FSD2: variants seen among roughly 807,000 people sequenced by gnomAD.
The protein encoded by FSD2 is fibronectin type III and SPRY domain-containing protein 2.
In FSD2, 71 loss-of-function variants were observed where a neutral mutation model predicts 80.4. That is an observed-to-expected ratio of 0.88 (90% CI 0.73 to 1.08). The LOEUF (loss-of-function observed/expected upper bound fraction) is 1.08. Ranked by LOEUF, FSD2 falls within the 50% of genes least tolerant of loss-of-function variation. FSD2 has a pLI of 0.00. For missense variants in FSD2, 923 were observed against 913.8 expected (o/e 1.01, Z -0.13); for synonymous variants, 361 against 329.5 (o/e 1.10, Z -1.03).
intron 1 of FSD2, among the ~76,000 whole-genome samples, chr15:82,801,710 G>A (rs1478814521): frequency 2.0e-5 from 3 of 152,130 alleles, no homozygotes; most frequent in Admixed American, 6.5e-5. Flanking sequence ...TAAGACTTGG[G>A]AACATCACTC....
In FSD2 at chr15:82,778,856, C is replaced by T. The variant is rs536173862; in HGVS notation, c.1021G>A (p.Val341Met). 3.9e-5 allele frequency: 63 copies of T among 1,613,914 alleles called. 2 individuals are homozygous for T. In the Admixed American group the frequency reaches 6.0e-4, roughly 15 times the overall value. ...LGKFLKTKTDVEISAQPEFED... is the reference protein window; with the variant it reads ...LGKFLKTKTDMEISAQPEFED... ...AACTCAGGCTGTGCAGAGATTTCCA[C>T]GTCTGTTTTTGTTTTCAGGAATTTC... The change falls in exon 6 of 13, where the codon GTG becomes ATG. Residue 341 changes from valine to methionine, a missense_variant. Coordinates refer to ENST00000334574, the MANE Select transcript of FSD2 (RefSeq NM_001007122.4).
chr15:82,759,206 G>C lies in FSD2; in HGVS notation c.*142C>G. 1.1e-6 allele frequency: 1 copy of C among 893,778 alleles called. No individual in the cohort carries two copies. The highest frequency in any genetic ancestry group is 2.7e-5 in the East Asian group (1 of 37,632). 55.4% of individuals were successfully genotyped at this position (893,778 alleles called of 1,614,324 possible). A position where few individuals can be genotyped will look rare whatever the true frequency, so the allele number is the denominator to read the frequency against. On this transcript the variant is annotated 3_prime_UTR_variant, in exon 13 of 13. Transcript: ENST00000334574. ...AGAATCCAGGTTGGGTGAAATGAGC[G>C]CTAGCACACCAGTCAGATAATAGCA...
At chr15:82,780,209 TA>T (rs1283052538) in intron 5 of FSD2, 35 bp downstream of exon 5, 8 of 1,452,318 alleles carry the variant, frequency 5.5e-6, no homozygotes, top group Non-Finnish European at 7.4e-6. Flanking sequence ...TTGAAAAAAG[TA>T]AAAAAAGAAA....
intron 11 of FSD2, among the ~76,000 whole-genome samples, chr15:82,764,191 TAAACGGAA>T (rs2049355679): frequency 6.6e-6 from 1 of 152,126 alleles, no homozygotes; most frequent in Non-Finnish European, 1.5e-5. Flanking sequence ...AGAACTAAAT[TAAACGGAA>T]AAACCCCAAC....
At position 82,759,578 on chromosome 15, in the gene FSD2, T is replaced by A; in HGVS notation, c.2020A>T (p.Asn674Tyr). 1 of 1,589,932 alleles carries A rather than the reference T, an allele frequency of 6.3e-7. No individual in the cohort carries two copies. Among genetic ancestry groups the A allele is most frequent in the East Asian group, 2.2e-5 (1 of 44,470 alleles). ...SSRHKYEFLH[N>Y]RTTPDIRITV... is the part of the protein sequence containing the mutation. Reference sequence around the variant, plus strand: ...ATTCTTATATCTGGAGTTGTTCTGTTGTGCAGAAATTCATACTTATGCCTG... The same window carrying A: ...ATTCTTATATCTGGAGTTGTTCTGTAGTGCAGAAATTCATACTTATGCCTG... The change falls in exon 13 of 13, where the codon AAC becomes TAC. Residue 674 changes from asparagine to tyrosine, a missense_variant. Asn to Tyr is a moderately radical substitution (Grantham distance 143). Coordinates refer to ENST00000334574, the MANE Select transcript of FSD2 (RefSeq NM_001007122.4).
chr15:82,771,066 A>G (rs72753955), intron 7 of FSD2, among the ~76,000 whole-genome samples: 1,740 of 150,708 alleles, frequency 0.012, 15 homozygotes, highest in Non-Finnish European at 0.02. Context: ...ACCCTCCCTC[A>G]TCATCACTTA....
intron 1 of FSD2, among the ~76,000 whole-genome samples, chr15:82,794,329 C>T (rs372553508): frequency 4.5e-4 from 68 of 152,142 alleles, no homozygotes; most frequent in African/African-American, 1.4e-3. Context: ...CATTCCATTG[C>T]GACCAGAAAA....
At position 82,765,999 on chromosome 15, in the gene FSD2, A is replaced by G. The variant is rs1441928793; in HGVS notation, c.1586T>C (p.Val529Ala). 6.3e-7 allele frequency: 1 copy of G among 1,593,738 alleles called. No individual in the cohort carries two copies. ...GCTCCGCCCCGGCTGCAGCTGCACC[A>G]CGGACTCGCAGGTCGGGATGCCCAC... The part of the protein sequence containing the change: ...SVVGIPTCES[V>A]VQLQPGRSYI... The change falls in exon 10 of 13, where the codon GTG becomes GCG. Residue 529 changes from valine to alanine, a missense_variant. Transcript: ENST00000334574.
chr15:82,779,371 A>G (rs2049797308), intron 5 of FSD2, among the ~76,000 whole-genome samples: 1 of 152,180 alleles, frequency 6.6e-6, no homozygotes, highest in South Asian at 2.1e-4. Context: ...CAGAGGCAGA[A>G]TTTGAAACCA....
Position 82,765,785 on chromosome 15 carries a change from C to T in FSD2, c.1687+113G>A, listed in dbSNP as rs975959993. 9 of 1,344,328 alleles carry T rather than the reference C, an allele frequency of 6.7e-6. No individual in the cohort carries two copies. In the East Asian group the frequency reaches 1.3e-4, roughly 19 times the overall value. 83.3% of individuals were successfully genotyped at this position (1,344,328 alleles called of 1,614,324 possible). ...GAACTCCTTCTGGCCTGACTTGCCA[C>T]GTGTCCACATCTGTGCATATTCATC... is the stretch of plus-strand genomic sequence containing the variant. On this transcript the variant is annotated intron_variant, in intron 10 of 12. Transcript: ENST00000334574.
intron 3 of FSD2, 86 bp downstream of exon 3, chr15:82,786,425 C>G (rs990112608): frequency 3.2e-5 from 33 of 1,022,852 alleles, no homozygotes; most frequent in Non-Finnish European, 3.2e-5. Context: ...AAAACAGATT[C>G]TCTAGCTCAT....
chr15:82,790,668 C>T (rs1194000856), intron 1 of FSD2, among the ~76,000 whole-genome samples: 2 of 151,616 alleles, frequency 1.3e-5, no homozygotes, highest in East Asian at 2.0e-4. Flanking sequence ...CTCCGCCTCC[C>T]GGGTTCACGC....
At chr15:82,798,008 T>C (rs1033215979) in intron 1 of FSD2, among the ~76,000 whole-genome samples, 22 of 152,072 alleles carry the variant, frequency 1.4e-4, no homozygotes, top group African/African-American at 5.1e-4. Context: ...TGTAGAGAAG[T>C]ATCATAGATG....
chr15:82,763,957 T>C (rs2151487817), intron 11 of FSD2, among the ~76,000 whole-genome samples: 1 of 152,346 alleles, frequency 6.6e-6, no homozygotes, highest in African/African-American at 2.4e-5. Context: ...CTTTCATATG[T>C]ACATGTACAA....
chr15:82,774,397 T>C (rs995288792), intron 6 of FSD2, among the ~76,000 whole-genome samples: 4 of 152,204 alleles, frequency 2.6e-5, no homozygotes, highest in Non-Finnish European at 5.9e-5. Flanking sequence ...TTTAAAGAGC[T>C]ACTTGGCACC....
rs1218097535 is a variant in FSD2, at chr15:82,787,423, T to C, written c.-33A>G. 5.8e-6 allele frequency: 9 copies of C among 1,549,308 alleles called. No individual in the cohort carries two copies. The highest frequency in any genetic ancestry group is 7.8e-6 in the Non-Finnish European group (9 of 1,150,516). ...CTGGAAGTCCTCAGAAGCACCTTTA[T>C]ATAAGAAAGATCCTTCCTGGACACT... On this transcript the variant is annotated 5_prime_UTR_variant, in exon 2 of 13. The change creates a new upstream start codon in the 5' untranslated region. Coordinates refer to ENST00000334574, the MANE Select transcript of FSD2 (RefSeq NM_001007122.4).
In FSD2 at chr15:82,787,285, AG is replaced by A; in HGVS notation, c.105del (p.Pro37GlnfsTer7). The A allele has an allele frequency of 6.2e-7, 1 of 1,613,924 alleles. No homozygotes were observed. The stretch of plus-strand genomic sequence containing the variant: ...CTCATCCTAGTGTTCTCTTCTGGAA[AG>A]AGGTGCAGTCTGTCTTCAGAGTCAT... Reference protein sequence around the residue: ...DLYDSEDRLHLFPEENTRMRK... With the variant: ...DLYDSEDRLHXFPEENTRMRK... On this transcript the variant is annotated frameshift_variant, in exon 2 of 13. Coordinates refer to ENST00000334574, the MANE Select transcript of FSD2 (RefSeq NM_001007122.4). LOFTEE classifies it high-confidence loss of function.
chr15:82,802,954 T>C (rs1021156756), intron 1 of FSD2, among the ~76,000 whole-genome samples: 5 of 152,170 alleles, frequency 3.3e-5, no homozygotes, highest in Admixed American at 6.5e-5. Flanking sequence ...GCCCCAGCTC[T>C]GAATGTTCAT....
intron 1 of FSD2, among the ~76,000 whole-genome samples, 179 bp from the exon 2 acceptor site, chr15:82,787,647 G>T (rs1322025304): frequency 6.6e-6 from 1 of 151,754 alleles, no homozygotes; most frequent in East Asian, 1.9e-4. Flanking sequence ...GCTTTCTAAG[G>T]TTAAAAGAGA....
Sources: allele counts gnomAD v4.1 joint callset (sites outside exome capture counted in the v4.1 genomes callset), GRCh38; gene constraint gnomAD v4.1.1; transcripts MANE v1.5; gene names NCBI Gene and HGNC (gene_info 2026-07-23, HGNC 2026-07-21).